Variants in ZNF296 observed in about 807,000 individuals in gnomAD.
ZNF296 encodes the protein zinc finger protein 296, also known as zinc finger protein 342.
ZNF296 carries 1 observed loss-of-function variant against 13.2 expected under a neutral mutation model. The observed-to-expected ratio is 0.08, with a 90% CI of 0.03 to 0.36. ZNF296 has a LOEUF of 0.36. Among genes scored for constraint, ZNF296 ranks in the 10% least tolerant of loss-of-function variants. ZNF296 has a pLI of 0.99. For synonymous variants in ZNF296, 303 were observed against 289.0 expected, an observed-to-expected ratio of 1.05 and a Z score of -0.49; for missense variants, 555 against 688.2, an observed-to-expected ratio of 0.81 and a Z score of 2.16.
rs1290222635 is a variant in ZNF296, at chr19:45,071,522, TGGA to T, written c.*76_*78del. On this transcript the variant is annotated 3_prime_UTR_variant, in exon 3 of 3. Transcript: ENST00000303809. ...GTGTAAATAAAAGGGAAAATTTACT[TGGA>T]GAAGGCGGGCAAAAACGAGGAGGTC... 4.0e-6 allele frequency: 6 copies of T among 1,488,616 alleles called. No homozygotes were observed. Among genetic ancestry groups the T allele is most frequent in the Non-Finnish European group, 5.3e-6 (6 of 1,127,272 alleles). 92.2% of individuals were successfully genotyped at this position (1,488,616 alleles called of 1,614,324 possible).
Position 45,072,092 on chromosome 19 carries a change from G to C in ZNF296, c.937C>G (p.Pro313Ala), listed in dbSNP as rs777024382. The C allele has an allele frequency of 1.2e-6, 2 of 1,611,612 alleles. No individual in the cohort carries two copies. Among genetic ancestry groups the C allele is most frequent in the Non-Finnish European group, 1.7e-6 (2 of 1,179,248 alleles). The change falls in exon 3 of 3, where the codon CCC becomes GCC. Residue 313 changes from proline (P) to alanine (A), a missense_variant. This residue lies in a region of ZNF296 where 410 missense variants were observed against 548.0 expected (regional missense o/e 0.75). Coordinates refer to ENST00000303809, the MANE Select transcript of ZNF296 (RefSeq NM_145288.3). ...CCGCTGCATGGAAGGGTGCTGGTGG[G>C]GGCAGCAGCATGGACAGCCGGCTCC... ...PPEPAVHAAAPTSTLPCSGGE... is the reference protein window; with the variant it reads ...PPEPAVHAAAATSTLPCSGGE...
In ZNF296 at chr19:45,076,017, A is replaced by G. The variant is rs539548200; in HGVS notation, c.298+59T>C. The G allele has an allele frequency of 3.8e-5, 60 of 1,570,274 alleles. No individual in the cohort carries two copies. The African/African-American group carries it at 7.7e-4, about 20-fold the overall frequency. On this transcript the variant is annotated intron_variant, in intron 1 of 2. Coordinates refer to ENST00000303809, the MANE Select transcript of ZNF296 (RefSeq NM_145288.3). This position sits in a 1 kb window ranked among gnomAD's most constrained non-coding sequence, Gnocchi z 4.9. Reference sequence around the variant, plus strand: ...GGCGAGGGGCCCATGCCCAAAGGGAAGGGTCCCACCCGAGGGTCAAAGGTA... The same window carrying G: ...GGCGAGGGGCCCATGCCCAAAGGGAGGGGTCCCACCCGAGGGTCAAAGGTA...
rs1967349481 is a variant in ZNF296, at chr19:45,076,285, A to G, written c.89T>C (p.Leu30Pro). The change falls in exon 1 of 3, where the codon CTC (leucine) becomes CCC (proline). Residue 30 changes from leucine (L) to proline (P), a missense_variant. Transcript: ENST00000303809. The surrounding 1 kb of genome is among the most constrained non-coding windows in gnomAD (Gnocchi z 4.9). ...NPDDEMEMQD[L>P]VIELKPEPDA... ...TGGCTCGGGCTTGAGTTCGATGACG[A>G]GGTCCTGCATTTCCATCTCGTCGTC... The G allele has an allele frequency of 6.8e-7, 1 of 1,475,346 alleles. No homozygotes were observed. The highest frequency in any genetic ancestry group is 9.0e-7 in the Non-Finnish European group (1 of 1,114,038). 91.4% of individuals were successfully genotyped at this position (1,475,346 alleles called of 1,614,324 possible).
intron 2 of ZNF296, 28 bp from the exon 3 acceptor site, chr19:45,072,608 G>C (rs1291177170): frequency 1.3e-6 from 2 of 1,557,626 alleles, no homozygotes; most frequent in Non-Finnish European, 1.7e-6. Flanking sequence ...CAGAGTGTTA[G>C]TGCGGACAGC....
intron 2 of ZNF296, among the ~76,000 whole-genome samples, chr19:45,075,017 G>A (rs1479305042): frequency 1.3e-5 from 2 of 152,158 alleles, no homozygotes; most frequent in Admixed American, 6.5e-5. Context: ...AAGGGCCAGG[G>A]GGCTGGAAAC....
At chr19:45,075,530 C>T (rs1397630891) in intron 2 of ZNF296, among the ~76,000 whole-genome samples, 183 bp downstream of exon 2, 1 of 151,188 alleles carries the variant, frequency 6.6e-6, no homozygotes, top group Non-Finnish European at 1.5e-5. Context: ...CCCCGCCCCC[C>T]CTCCACCGCC....
chr19:45,072,630 C>A, intron 2 of ZNF296, 50 bp from the exon 3 acceptor site: 1 of 1,536,716 alleles, frequency 6.5e-7, no homozygotes. Flanking sequence ...GCCAGCTGGA[C>A]ACCTTCTGTG....
At chr19:45,073,029 G>A (rs764172013) in intron 2 of ZNF296, among the ~76,000 whole-genome samples, 1 of 152,210 alleles carries the variant, frequency 6.6e-6, no homozygotes, top group Non-Finnish European at 1.5e-5. Flanking sequence ...TGGGATTATA[G>A]GCATGAGCCA....
Position 45,076,067 on chromosome 19 carries a change from G to A in ZNF296, c.298+9C>T, listed in dbSNP as rs375110024. The A allele has an allele frequency of 3.2e-4, 499 of 1,580,532 alleles. No homozygotes were observed. The highest frequency in any genetic ancestry group is 4.1e-4 in the Non-Finnish European group (476 of 1,169,030). On this transcript the variant is annotated intron_variant, in intron 1 of 2. Transcript: ENST00000303809. This position sits in a 1 kb window ranked among gnomAD's most constrained non-coding sequence, Gnocchi z 4.9. ...AAGGGAGGCTGGGCCCAGGGCCCGG[G>A]GTGCTCACCGGGATAGTTCGGGGTC...
Position 45,072,403 on chromosome 19 carries a change from A to G in ZNF296, c.626T>C (p.Val209Ala), listed in dbSNP as rs1308731295. ...CTTGGCCTCAGCTGCTGGCCCCACC[A>G]CTGCCGACACGGCTGCAGCCACCTC... The part of the protein sequence containing the change: ...LAEVAAAVSA[V>A]VGPAAEAKSP... Residue 209 changes from valine (V) to alanine (A), a missense_variant, in exon 3 of 3, where the codon GTG becomes GCG. Physicochemically the swap from Val to Ala is moderately conservative, Grantham distance 64. Around this residue, in one of 3 missense-constraint regions of ZNF296, gnomAD observed 410 missense variants for 548.0 expected, o/e 0.75. Transcript: ENST00000303809. 2 of 1,611,924 alleles carry G rather than the reference A, an allele frequency of 1.2e-6. No homozygotes were observed. The highest frequency in any genetic ancestry group is 8.5e-7 in the Non-Finnish European group (1 of 1,179,624).
In ZNF296 at chr19:45,072,596, G is replaced by A. The variant is rs773775353; in HGVS notation, c.449-16C>T. On this transcript the variant is annotated splice_polypyrimidine_tract_variant and intron_variant, in intron 2 of 2. Coordinates refer to ENST00000303809, the MANE Select transcript of ZNF296 (RefSeq NM_145288.3). Reference sequence around the variant, plus strand: ...TCCTCTCGTTCTGGTAAGAAAAAGAGGCAGAGTGTTAGTGCGGACAGCTGC... The same window carrying A: ...TCCTCTCGTTCTGGTAAGAAAAAGAAGCAGAGTGTTAGTGCGGACAGCTGC... The A allele has an allele frequency of 2.5e-5, 39 of 1,579,360 alleles. No individual in the cohort carries two copies. In the South Asian group the frequency reaches 4.0e-4, roughly 16 times the overall value.
At chr19:45,073,734 T>G (rs1967295437) in intron 2 of ZNF296, among the ~76,000 whole-genome samples, 1 of 151,490 alleles carries the variant, frequency 6.6e-6, no homozygotes, top group African/African-American at 2.4e-5. Context: ...AATAAGATTT[T>G]TGGTTTAGGC....
rs1228245207 is a variant in ZNF296, at chr19:45,071,899, G to A, written c.1130C>T (p.Ser377Leu). The A allele has an allele frequency of 3.7e-6, 6 of 1,613,428 alleles. No individual in the cohort carries two copies. The highest frequency in any genetic ancestry group is 2.2e-5 in the East Asian group (1 of 44,868). The part of the protein sequence containing the change: ...QKASPKKMPK[S>L]GGKSRGPGGS... The stretch of plus-strand genomic sequence containing the variant: ...CCCGGGCCCGCGGCTCTTGCCCCCT[G>A]ACTTGGGCATCTTTTTGGGTGATGC... The change falls in exon 3 of 3, where the codon TCA (serine) becomes TTA (leucine). Residue 377 changes from serine to leucine, a missense_variant. Transcript: ENST00000303809.
chr19:45,075,956 C>A lies in ZNF296; in HGVS notation c.299-94G>T. 11 of 1,588,854 alleles carry A rather than the reference C, an allele frequency of 6.9e-6. No individual in the cohort carries two copies. The East Asian group carries it at 2.5e-4, about 36-fold the overall frequency. Reference sequence around the variant, plus strand: ...GGGGAAACCGAAGGTCAGAAGGGGGCCTGAGGGGCAGGACGGGGCGAAGGA... The same window carrying A: ...GGGGAAACCGAAGGTCAGAAGGGGGACTGAGGGGCAGGACGGGGCGAAGGA... On this transcript the variant is annotated intron_variant, in intron 1 of 2. Coordinates refer to ENST00000303809, the MANE Select transcript of ZNF296 (RefSeq NM_145288.3).
At chr19:45,072,698 G>A in intron 2 of ZNF296, 118 bp from the exon 3 acceptor site, 3 of 1,271,252 alleles carry the variant, frequency 2.4e-6, no homozygotes, top group Non-Finnish European at 3.2e-6. Context: ...ACACACCCTG[G>A]AAGGACCAGG....
At position 45,076,008 on chromosome 19, in the gene ZNF296, C is replaced by T. The variant is rs1347426930; in HGVS notation, c.298+68G>A. 2 of 1,566,936 alleles carry T rather than the reference C, an allele frequency of 1.3e-6. No homozygotes were observed. Among genetic ancestry groups the T allele is most frequent in the African/African-American group, 1.4e-5 (1 of 72,924 alleles). On this transcript the variant is annotated intron_variant, in intron 1 of 2. Coordinates refer to ENST00000303809, the MANE Select transcript of ZNF296 (RefSeq NM_145288.3). This position sits in a 1 kb window ranked among gnomAD's most constrained non-coding sequence, Gnocchi z 4.9. The stretch of plus-strand genomic sequence containing the variant: ...ATAAGGCAGGGCGAGGGGCCCATGC[C>T]CAAAGGGAAGGGTCCCACCCGAGGG...
At position 45,076,384 on chromosome 19, in the gene ZNF296, C is replaced by CCGGGCGAGCGAGCGGGCGGGCAGG; in HGVS notation, c.-35_-12dup. 7.8e-7 allele frequency: 1 copy of CCGGGCGAGCGAGCGGGCGGGCAGG among 1,289,682 alleles called. No individual in the cohort carries two copies. Among genetic ancestry groups the CCGGGCGAGCGAGCGGGCGGGCAGG allele is most frequent in the Non-Finnish European group, 9.8e-7 (1 of 1,019,332 alleles). The allele number at this position is 1,289,682 out of a possible 1,614,324, so 79.9% of individuals were successfully genotyped here. ...CTTGCGGCGGGACATGAGTCGCGGGCCGGGCGAGCGAGCGGGCGGGCAGGC... is the reference window on the plus strand; with the variant it reads ...CTTGCGGCGGGACATGAGTCGCGGGCCGGGCGAGCGAGCGGGCGGGCAGGCGGGCGAGCGAGCGGGCGGGCAGGC... On this transcript the variant is annotated 5_prime_UTR_variant, in exon 1 of 3. Transcript: ENST00000303809. This position sits in a 1 kb window ranked among gnomAD's most constrained non-coding sequence, Gnocchi z 4.9.
intron 2 of ZNF296, among the ~76,000 whole-genome samples, chr19:45,075,000 G>A (rs1346447664): frequency 6.6e-6 from 1 of 152,198 alleles, no homozygotes; most frequent in Non-Finnish European, 1.5e-5. Context: ...AAAAGTCTCA[G>A]AAGGGCAAGG....
Position 45,072,161 on chromosome 19 carries a change from G to GA in ZNF296, c.867_868insT (p.Leu290SerfsTer34). 1 of 1,603,710 alleles carries GA rather than the reference G, an allele frequency of 6.2e-7. No homozygotes were observed. ...TGCTCCTGGCTGGTGTCGGCCATGA[G>GA]GGGGCTCTGGGGCGGCACCTGCCGG... On this transcript the variant is annotated frameshift_variant, in exon 3 of 3. Transcript: ENST00000303809. LOFTEE classifies it low-confidence loss of function (END_TRUNC).
Sources: gnomAD v4.1 joint callset for allele counts (sites outside exome capture counted in the v4.1 genomes callset) on GRCh38, gnomAD v4.1.1 for gene constraint, gnomAD v4.1.1 regional missense constraint, Gnocchi (gnomAD v3.1) non-coding constraint, MANE v1.5 for transcripts, NCBI Gene and HGNC (gene_info 2026-07-23, HGNC 2026-07-21) for gene names.